The following CSNK1G1 variants were observed in gnomAD, a reference collection of about 807,000 sequenced individuals.
CSNK1G1 encodes the protein casein kinase I isoform gamma-1.
A neutral mutation model predicts 59.6 loss-of-function variants in CSNK1G1; 22 were observed. The observed-to-expected ratio is 0.37, with a 90% CI of 0.26 to 0.53. The LOEUF is 0.53. CSNK1G1 is among the 20% of genes least tolerant of loss of function. CSNK1G1 has a pLI of 0.89. For missense variants in CSNK1G1, 384 were observed against 519.5 expected (o/e 0.74, Z 2.54); for synonymous variants, 179 against 177.1 (o/e 1.01, Z -0.08).
chr15:64,193,555 T>C (rs1258677817), intron 10 of CSNK1G1, among the ~76,000 whole-genome samples: 1 of 150,874 alleles, frequency 6.6e-6, no homozygotes, highest in Admixed American at 6.6e-5. Flanking sequence ...TCATGAAACA[T>C]AACCAGTTTT....
At chr15:64,225,087 C>T (rs1386318954) in intron 4 of CSNK1G1, among the ~76,000 whole-genome samples, 2 of 147,864 alleles carry the variant, frequency 1.4e-5, no homozygotes, top group African/African-American at 5.1e-5. Flanking sequence ...TGGGTCACTG[C>T]AACCTCTACC....
intron 10 of CSNK1G1, among the ~76,000 whole-genome samples, chr15:64,196,328 A>C (rs2082038266): frequency 6.6e-6 from 1 of 152,234 alleles, no homozygotes; most frequent in Non-Finnish European, 1.5e-5. Context: ...ATTATTGTAT[A>C]TAGATAAACC....
intron 1 of CSNK1G1, among the ~76,000 whole-genome samples, chr15:64,343,635 G>A (rs974753258): frequency 6.6e-6 from 1 of 151,814 alleles, no homozygotes; most frequent in Admixed American, 6.6e-5. Flanking sequence ...CTGTAATGTT[G>A]ACAGATTAGA....
intron 3 of CSNK1G1, among the ~76,000 whole-genome samples, chr15:64,253,647 T>C (rs1441143994): frequency 6.6e-6 from 1 of 152,158 alleles, no homozygotes; most frequent in Admixed American, 6.5e-5. Context: ...GCACAATAAC[T>C]AAAAGGTGGA....
chr15:64,260,075 C>G (rs990962715), intron 2 of CSNK1G1, among the ~76,000 whole-genome samples: 8 of 152,146 alleles, frequency 5.3e-5, no homozygotes, highest in Non-Finnish European at 1.0e-4. Flanking sequence ...TCCTTGGAAG[C>G]CTTAACTTTA....
chr15:64,246,380 G>A lies in CSNK1G1; in HGVS notation c.292+5132C>T, dbSNP rs1891755635. Among the ~76,000 whole-genome samples, 4 of 152,170 alleles carry A rather than the reference G, an allele frequency of 2.6e-5. No individual in the cohort carries two copies. In the South Asian group the frequency reaches 8.3e-4, roughly 32 times the overall value. On this transcript the variant is annotated intron_variant, in intron 4 of 11. Coordinates refer to ENST00000303052, the MANE Select transcript of CSNK1G1 (RefSeq NM_022048.5). ...TTCATGCCTGTGATCCCAGCACTTT[G>A]GGCAGCCAAGGTGAGAGGATCACCT...
intron 4 of CSNK1G1, among the ~76,000 whole-genome samples, chr15:64,250,639 G>C (rs545374747): frequency 6.6e-6 from 1 of 152,178 alleles, no homozygotes; most frequent in Admixed American, 6.5e-5. Context: ...CAGCTACTCA[G>C]GAGGCTGAGG....
chr15:64,175,094 AC>A (rs915019733), intron 11 of CSNK1G1, among the ~76,000 whole-genome samples: 1 of 148,540 alleles, frequency 6.7e-6, no homozygotes, highest in African/African-American at 2.5e-5. Flanking sequence ...TGTGACTGAC[AC>A]CTCACAGGAA....
chr15:64,268,158 GA>G (rs1893082522), intron 2 of CSNK1G1, among the ~76,000 whole-genome samples: 1 of 152,082 alleles, frequency 6.6e-6, no homozygotes, highest in Non-Finnish European at 1.5e-5. Context: ...CTATAAAAAG[GA>G]AGTGCTGTCA....
At chr15:64,234,353 CA>C (rs2082587933) in intron 4 of CSNK1G1, among the ~76,000 whole-genome samples, 1 of 152,050 alleles carries the variant, frequency 6.6e-6, no homozygotes, top group East Asian at 1.9e-4. Flanking sequence ...TCAAATAGGC[CA>C]CTCACACAGG....
At chr15:64,340,373 T>C (rs895992961) in intron 1 of CSNK1G1, among the ~76,000 whole-genome samples, 2 of 152,228 alleles carry the variant, frequency 1.3e-5, no homozygotes, top group African/African-American at 4.8e-5. Flanking sequence ...GCAGGAAGTA[T>C]TGTTTTAATG....
At chr15:64,238,360 C>T (rs1301281491) in intron 4 of CSNK1G1, among the ~76,000 whole-genome samples, 1 of 150,682 alleles carries the variant, frequency 6.6e-6, no homozygotes, top group Non-Finnish European at 1.5e-5. Flanking sequence ...TGGTAGTGTG[C>T]ACCTGTATTC....
At chr15:64,181,653 G>A in intron 10 of CSNK1G1, 1 of 446,708 alleles carries the variant, frequency 2.2e-6, no homozygotes, top group Non-Finnish European at 3.9e-6. Flanking sequence ...AGCTCCACCA[G>A]TTATTTGCTG....
At chr15:64,258,778 T>C (rs1170721731) in intron 3 of CSNK1G1, among the ~76,000 whole-genome samples, 1 of 152,196 alleles carries the variant, frequency 6.6e-6, no homozygotes, top group Admixed American at 6.5e-5. Flanking sequence ...TTTTCCATGC[T>C]TGACAGATTT....
intron 4 of CSNK1G1, among the ~76,000 whole-genome samples, chr15:64,217,230 A>ACGCCTGGCCCCAGGCCAGCC (rs1165370858): frequency 2.6e-5 from 4 of 152,254 alleles, no homozygotes; most frequent in African/African-American, 9.6e-5. Context: ...CCAGGCCAGC[A>ACGCCTGGCCCCAGGCCAGCC]CAACTGGCCC....
chr15:64,352,236 G>A (rs1276517563), intron 1 of CSNK1G1, among the ~76,000 whole-genome samples: 1 of 151,694 alleles, frequency 6.6e-6, no homozygotes, highest in Admixed American at 6.6e-5. Context: ...AACCCGGGAG[G>A]CGGAGGTTGC....
rs957700531 is a variant in CSNK1G1 at position 64,203,113 on chromosome 15, C to T, written c.1076G>A (p.Arg359Gln). ...ITRESHTHRD[R>Q]PSQQQPLRNQ... Reference sequence around the variant, plus strand: ...TCGAAGAGGCTGCTGTTGTGATGGCCGATCCCTATGTGTGTGGCTTTCTCG... The same window carrying T: ...TCGAAGAGGCTGCTGTTGTGATGGCTGATCCCTATGTGTGTGGCTTTCTCG... The change falls in exon 10 of 12, where the codon CGG (arginine) becomes CAG (glutamine). Residue 359 changes from arginine (R) to glutamine (Q), a missense_variant. Transcript: ENST00000303052. 4.3e-6 allele frequency: 7 copies of T among 1,613,948 alleles called. No homozygotes were observed. The highest frequency in any genetic ancestry group is 5.9e-6 in the Non-Finnish European group (7 of 1,179,864).
At chr15:64,296,937 C>CT (rs960068624) in intron 2 of CSNK1G1, among the ~76,000 whole-genome samples, 1,986 of 89,602 alleles carry the variant, frequency 0.022, 80 homozygotes, top group African/African-American at 0.059. Context: ...ACTATCGTTA[C>CT]TTTTTTTTTT....
At chr15:64,220,880 C>A (rs2082380189) in intron 4 of CSNK1G1, among the ~76,000 whole-genome samples, 2 of 152,094 alleles carry the variant, frequency 1.3e-5, no homozygotes, top group Admixed American at 6.6e-5. Context: ...TAAAAAAATT[C>A]TTTCAAGAGA....
Sources: gnomAD v4.1 joint callset for allele counts (sites outside exome capture counted in the v4.1 genomes callset) on GRCh38, gnomAD v4.1.1 for gene constraint, MANE v1.5 for transcripts, NCBI Gene and HGNC (gene_info 2026-07-23, HGNC 2026-07-21) for gene names.